RBFOX1: variants seen among roughly 807,000 people sequenced by gnomAD.
RBFOX1 encodes RNA binding fox-1 homolog 1.
Under a neutral mutation model 57.7 loss-of-function variants are expected in RBFOX1, and 8 were observed. The ratio of observed to expected loss-of-function variants is 0.14; its 90% CI spans 0.08 to 0.25. The LOEUF is 0.25. Ranked by LOEUF, RBFOX1 falls within the 10% of genes least tolerant of loss-of-function variation. The pLI is 1.00. For synonymous variants in RBFOX1, 326 were observed against 222.4 expected, an observed-to-expected ratio of 1.47 and a Z score of -4.15; for missense variants, 611 against 548.5, an observed-to-expected ratio of 1.11 and a Z score of -1.14.
intron 3 of RBFOX1, among the ~76,000 whole-genome samples, chr16:5,705,419 G>A (rs1252450281): frequency 1.3e-5 from 2 of 152,208 alleles, no homozygotes; most frequent in African/African-American, 2.4e-5. Context: ...GCACCACCAT[G>A]TACAGATAAT....
chr16:6,567,112 G>A (rs2097277409), intron 2 of RBFOX1, among the ~76,000 whole-genome samples: 1 of 152,184 alleles, frequency 6.6e-6, no homozygotes, highest in Non-Finnish European at 1.5e-5. Context: ...TGAGCAGGCT[G>A]TCCAGATTTC....
chr16:7,501,745 A>C (rs1001575612), intron 4 of RBFOX1, among the ~76,000 whole-genome samples: 2 of 152,194 alleles, frequency 1.3e-5, no homozygotes, highest in African/African-American at 4.8e-5. Flanking sequence ...CAAGAACATC[A>C]GGTTAGACAT....
At chr16:6,529,362 C>G (rs1004560188) in intron 2 of RBFOX1, among the ~76,000 whole-genome samples, 16 of 151,988 alleles carry the variant, frequency 1.1e-4, no homozygotes, top group African/African-American at 3.6e-4. Flanking sequence ...AGGTGGAGAC[C>G]AGCCTGACCA....
At chr16:6,727,726 G>C (rs1241129129) in intron 3 of RBFOX1, among the ~76,000 whole-genome samples, 6 of 152,124 alleles carry the variant, frequency 3.9e-5, no homozygotes, top group Non-Finnish European at 8.8e-5. Context: ...TCACACGTGT[G>C]AGTCTCTCCA....
intron 5 of RBFOX1, among the ~76,000 whole-genome samples, chr16:7,543,528 G>T (rs1030607989): frequency 1.3e-5 from 2 of 152,132 alleles, no homozygotes; most frequent in African/African-American, 4.8e-5. Flanking sequence ...GAATCTCAGA[G>T]AAGTTGAAAT....
intron 2 of RBFOX1, among the ~76,000 whole-genome samples, chr16:6,552,657 A>C (rs1244892282): frequency 6.6e-6 from 1 of 152,180 alleles, no homozygotes; most frequent in African/African-American, 2.4e-5. Context: ...AAAATGGAAA[A>C]AGAAACAAAA....
chr16:7,509,966 G>T (rs76959066), intron 4 of RBFOX1, among the ~76,000 whole-genome samples: 6 of 141,772 alleles, frequency 4.2e-5, no homozygotes, highest in Admixed American at 1.4e-4. Flanking sequence ...CGAGCAGTGG[G>T]TTTTTTTTTT....
rs200044108 is a variant in RBFOX1 at position 6,629,835 on chromosome 16, A to AT, written c.-63-24761dup. The stretch of plus-strand genomic sequence containing the variant: ...TAAGATCCTTTTAATCAGACGTTTT[A>AT]TTTTTTTATTTTTTATTCTTCTCAT... On this transcript the variant is annotated intron_variant, in intron 2 of 15. Transcript: ENST00000550418. 1.3e-3 allele frequency among the ~76,000 whole-genome samples: 191 copies of AT among 152,012 alleles called. 4 individuals are homozygous for AT. In the East Asian group the frequency reaches 0.031, roughly 24 times the overall value.
chr16:5,641,971 G>T (rs963528769), intron 3 of RBFOX1, among the ~76,000 whole-genome samples: 1 of 152,130 alleles, frequency 6.6e-6, no homozygotes, highest in Non-Finnish European at 1.5e-5. Flanking sequence ...GTCTGAGGTG[G>T]GACTCGTGAT....
At chr16:7,147,446 C>T (rs186115514) in intron 4 of RBFOX1, among the ~76,000 whole-genome samples, 14 of 152,010 alleles carry the variant, frequency 9.2e-5, no homozygotes, top group East Asian at 3.9e-4. Context: ...ACTTGGTAGA[C>T]GGTTTTTCAA....
intron 2 of RBFOX1, among the ~76,000 whole-genome samples, chr16:5,558,802 A>G (rs1008795255): frequency 5.3e-5 from 8 of 152,244 alleles, no homozygotes; most frequent in African/African-American, 9.6e-5. Context: ...GATTCACTCA[A>G]TGCATCATGA....
intron 2 of RBFOX1, among the ~76,000 whole-genome samples, chr16:6,389,123 G>C (rs2092459838): frequency 6.6e-6 from 1 of 152,226 alleles, no homozygotes; most frequent in Non-Finnish European, 1.5e-5. Context: ...CACTGTGGCA[G>C]GGGTGCTCAT....
chr16:7,135,535 G>C (rs963723834), intron 4 of RBFOX1, among the ~76,000 whole-genome samples: 8 of 152,218 alleles, frequency 5.3e-5, no homozygotes, highest in African/African-American at 1.9e-4. Context: ...GCAATAAGAA[G>C]ATAATTAAGG....
At chr16:5,809,045 C>A (rs1373919587) in intron 3 of RBFOX1, among the ~76,000 whole-genome samples, 17 of 152,152 alleles carry the variant, frequency 1.1e-4, no homozygotes, top group Admixed American at 1.1e-3. Flanking sequence ...TGGTCTTTGA[C>A]AAACCTGAGA....
chr16:6,765,084 G>T (rs752562094), intron 3 of RBFOX1, among the ~76,000 whole-genome samples: 1 of 152,110 alleles, frequency 6.6e-6, no homozygotes, highest in Non-Finnish European at 1.5e-5. Context: ...TAAAGAATGC[G>T]AGGGAATCTG....
chr16:5,657,595 T>G, intron 3 of RBFOX1, among the ~76,000 whole-genome samples: 1 of 150,640 alleles, frequency 6.6e-6, no homozygotes, highest in South Asian at 2.1e-4. Context: ...GTCTGTAAAT[T>G]CTTTCTCGCT....
chr16:6,879,487 G>T (rs1276426301), intron 3 of RBFOX1, among the ~76,000 whole-genome samples: 1 of 152,086 alleles, frequency 6.6e-6, no homozygotes, highest in East Asian at 1.9e-4. Flanking sequence ...ACCCCATCAT[G>T]ACCTTAATTG....
intron 4 of RBFOX1, among the ~76,000 whole-genome samples, chr16:7,408,057 T>C (rs1456941008): frequency 6.6e-6 from 1 of 152,228 alleles, no homozygotes. Flanking sequence ...TTTACACAAC[T>C]GGATGCTGGC....
intron 4 of RBFOX1, among the ~76,000 whole-genome samples, chr16:7,095,444 G>A (rs2061538130): frequency 6.6e-6 from 1 of 152,148 alleles, no homozygotes; most frequent in Non-Finnish European, 1.5e-5. Flanking sequence ...AGCTTAGAAT[G>A]TTCTTCCTTA....
Sources: allele counts gnomAD v4.1 joint callset (sites outside exome capture counted in the v4.1 genomes callset), GRCh38; gene constraint gnomAD v4.1.1; transcripts MANE v1.5; gene names NCBI Gene and HGNC (gene_info 2026-07-23, HGNC 2026-07-21).